The following AK5 variants were observed in gnomAD, a reference collection of about 807,000 sequenced individuals.
The protein encoded by AK5 is adenylate kinase 5, also known as adenylate kinase isoenzyme 5.
AK5 carries 27 observed loss-of-function variants against 69.5 expected under a neutral mutation model. That is an observed-to-expected ratio of 0.39 (90% confidence interval 0.29 to 0.54). AK5 has a LOEUF of 0.54. AK5 is among the 20% of genes least tolerant of loss of function. AK5 has a pLI of 0.71. For missense variants in AK5, 531 were observed against 700.4 expected, an observed-to-expected ratio of 0.76 and a Z score of 2.73; for synonymous variants, 260 against 244.4, an observed-to-expected ratio of 1.06 and a Z score of -0.60.
intron 5 of AK5, among the ~76,000 whole-genome samples, chr1:77,300,402 A>C (rs1179073926): frequency 6.6e-6 from 1 of 152,198 alleles, no homozygotes; most frequent in Non-Finnish European, 1.5e-5. Context: ...GTTCTTTGCC[A>C]CTGTGGGCAG....
chr1:77,484,767 T>A (rs1057224646), intron 9 of AK5, among the ~76,000 whole-genome samples: 3 of 152,218 alleles, frequency 2.0e-5, no homozygotes, highest in Admixed American at 6.5e-5. Context: ...TCCAATGCAT[T>A]GCCTATATAT....
intron 1 of AK5, chr1:77,282,637 C>A: frequency 8.1e-7 from 1 of 1,232,438 alleles, no homozygotes; most frequent in Non-Finnish European, 1.0e-6. Context: ...AGCCTGCTCC[C>A]ATCGCGCCCC....
intron 8 of AK5, among the ~76,000 whole-genome samples, chr1:77,455,077 A>C (rs1404439274): frequency 1.3e-5 from 2 of 152,184 alleles, no homozygotes; most frequent in Non-Finnish European, 2.9e-5. Context: ...TCCATACCAG[A>C]GCCCTATCTA....
At chr1:77,289,949 G>C (rs1658593105) in intron 2 of AK5, among the ~76,000 whole-genome samples, 1 of 151,344 alleles carries the variant, frequency 6.6e-6, no homozygotes, top group Non-Finnish European at 1.5e-5. Context: ...GGGCTATATT[G>C]GGTACACAAA....
At chr1:77,305,843 A>G (rs1329591813) in intron 5 of AK5, among the ~76,000 whole-genome samples, 3 of 152,014 alleles carry the variant, frequency 2.0e-5, no homozygotes, top group African/African-American at 7.2e-5. Context: ...GTGGTTCTAT[A>G]TACATTTTAG....
At chr1:77,430,830 A>T (rs2803148) in intron 8 of AK5, among the ~76,000 whole-genome samples, 4,455 of 152,272 alleles carry the variant, frequency 0.029, 208 homozygotes, top group African/African-American at 0.1. Flanking sequence ...ATAATCATTG[A>T]ATATAGAAAC....
intron 13 of AK5, among the ~76,000 whole-genome samples, chr1:77,556,089 A>AT (rs1195360948): frequency 6.6e-6 from 1 of 152,158 alleles, no homozygotes; most frequent in Non-Finnish European, 1.5e-5. Context: ...AAAAAAACTT[A>AT]TTTTTTCCTT....
intron 6 of AK5, among the ~76,000 whole-genome samples, chr1:77,352,130 A>T (rs1341037059): frequency 6.6e-6 from 1 of 152,060 alleles, no homozygotes; most frequent in African/African-American, 2.4e-5. Flanking sequence ...GGGTTTCACC[A>T]TGTTGGCCAG....
chr1:77,497,641 G>T (rs776034217), intron 10 of AK5, among the ~76,000 whole-genome samples: 5 of 152,192 alleles, frequency 3.3e-5, no homozygotes, highest in Non-Finnish European at 7.3e-5. Context: ...AGGCTGAAGT[G>T]CAGTGGTGCA....
intron 6 of AK5, among the ~76,000 whole-genome samples, chr1:77,393,211 A>G (rs747188063): frequency 6.6e-6 from 1 of 152,220 alleles, no homozygotes; most frequent in Non-Finnish European, 1.5e-5. Context: ...TACTGTAACT[A>G]TAGTTATTAC....
At chr1:77,311,436 T>C (rs1659956063) in intron 5 of AK5, among the ~76,000 whole-genome samples, 1 of 152,138 alleles carries the variant, frequency 6.6e-6, no homozygotes, top group African/African-American at 2.4e-5. Context: ...TACTGGCTAA[T>C]TTATGGACCC....
At chr1:77,419,757 T>C (rs928905211) in intron 8 of AK5, among the ~76,000 whole-genome samples, 5 of 152,108 alleles carry the variant, frequency 3.3e-5, no homozygotes, top group African/African-American at 1.2e-4. Flanking sequence ...AAAGAGAGAA[T>C]GGAGGTGATG....
At chr1:77,359,750 A>G (rs909503270) in intron 6 of AK5, among the ~76,000 whole-genome samples, 1 of 152,232 alleles carries the variant, frequency 6.6e-6, no homozygotes, top group Non-Finnish European at 1.5e-5. Context: ...TCCTCTCCCT[A>G]TGTAATTCGC....
chr1:77,443,251 G>A (rs1313158422), intron 8 of AK5, among the ~76,000 whole-genome samples: 2 of 151,964 alleles, frequency 1.3e-5, no homozygotes, highest in Non-Finnish European at 2.9e-5. Flanking sequence ...TTCTGGTCTG[G>A]GGTGCTCAAC....
chr1:77,382,440 T>C (rs990402811), intron 6 of AK5, among the ~76,000 whole-genome samples: 6 of 152,152 alleles, frequency 3.9e-5, no homozygotes, highest in Non-Finnish European at 8.8e-5. Context: ...AACCTCAAAC[T>C]TCCAGGCTCA....
intron 8 of AK5, among the ~76,000 whole-genome samples, chr1:77,436,445 G>T (rs1651965858): frequency 6.6e-6 from 1 of 151,572 alleles, no homozygotes; most frequent in Non-Finnish European, 1.5e-5. Flanking sequence ...ATATAAGAAT[G>T]ATTTTATAAT....
intron 6 of AK5, among the ~76,000 whole-genome samples, chr1:77,376,952 C>T (rs909116617): frequency 6.6e-6 from 1 of 152,082 alleles, no homozygotes; most frequent in Non-Finnish European, 1.5e-5. Flanking sequence ...AGAAGTCTCA[C>T]TTTAATCATT....
intron 2 of AK5, among the ~76,000 whole-genome samples, chr1:77,291,436 T>C (rs1658679144): frequency 6.6e-6 from 1 of 152,142 alleles, no homozygotes; most frequent in Admixed American, 6.5e-5. Flanking sequence ...TCATTCTAAC[T>C]AGCAGATTAA....
Position 77,518,506 on chromosome 1 carries a change from C to T in AK5, c.1148-58C>T, listed in dbSNP as rs533326426. The T allele has an allele frequency of 1.5e-4, 229 of 1,562,336 alleles. No homozygotes were observed. The African/African-American group carries it at 3.0e-3, about 20-fold the overall frequency. On this transcript the variant is annotated intron_variant, in intron 10 of 13. Coordinates refer to ENST00000354567, the MANE Select transcript of AK5 (RefSeq NM_174858.3). ...GAGGCTTGCTCACCATGGTGACTAC[C>T]ATTAAAAATGAGGCACCAGACTTGG...
Sources: gnomAD v4.1 joint callset for allele counts (sites outside exome capture counted in the v4.1 genomes callset) on GRCh38, gnomAD v4.1.1 for gene constraint, MANE v1.5 for transcripts, NCBI Gene and HGNC (gene_info 2026-07-23, HGNC 2026-07-21) for gene names.